The following STK32C variants were observed in gnomAD, a reference collection of about 807,000 sequenced individuals.
STK32C encodes the protein serine/threonine kinase 32C.
In STK32C, 31 loss-of-function variants were observed where a neutral mutation model predicts 56.5. That is an observed-to-expected ratio of 0.55 (90% CI 0.41 to 0.74). The LOEUF (loss-of-function observed/expected upper bound fraction) is 0.74, where lower values mean the gene tolerates loss of function less well. Among genes scored for constraint, STK32C ranks in the 30% least tolerant of loss-of-function variants. The pLI, the probability that STK32C is intolerant of heterozygous loss-of-function variation, is 0.00. For missense variants in STK32C, 544 were observed against 676.9 expected (o/e 0.80, Z 2.18); for synonymous variants, 309 against 289.4 (o/e 1.07, Z -0.69).
chr10:132,306,557 C>T (rs927080502), intron 1 of STK32C, among the ~76,000 whole-genome samples: 1 of 152,188 alleles, frequency 6.6e-6, no homozygotes, highest in Non-Finnish European at 1.5e-5. Flanking sequence ...GGCCTGAGGT[C>T]GTATTACTGT....
At chr10:132,249,045 ACTGTGCGACGG>A in intron 1 of STK32C, 4 of 475,740 alleles carry the variant, frequency 8.4e-6, no homozygotes, top group Non-Finnish European at 1.7e-5. Context: ...AAGCCTCCCG[ACTGTGCGACGG>A]AGGCGGCGGC....
chr10:132,276,763 G>T (rs532710760), intron 1 of STK32C, among the ~76,000 whole-genome samples: 1 of 151,808 alleles, frequency 6.6e-6, no homozygotes. Context: ...GTCCAGCCTG[G>T]TGACAGAGCA....
intron 1 of STK32C, among the ~76,000 whole-genome samples, chr10:132,256,916 T>C (rs910298536): frequency 1.3e-5 from 2 of 152,082 alleles, no homozygotes; most frequent in African/African-American, 4.8e-5. Flanking sequence ...CTGAGGCAGG[T>C]GTGCCTAGCC....
intron 1 of STK32C, chr10:132,330,555 T>TGA: frequency 1.4e-6 from 1 of 714,370 alleles, no homozygotes. Flanking sequence ...TCACCGAAGC[T>TGA]GACATTAAGT....
At chr10:132,243,814 G>A (rs1296378897) in intron 2 of STK32C, among the ~76,000 whole-genome samples, 17 of 152,168 alleles carry the variant, frequency 1.1e-4, no homozygotes, top group Non-Finnish European at 5.9e-5. Flanking sequence ...TCTAAATGCT[G>A]CGCCGCCCTG....
At chr10:132,263,267 GA>G (rs1372321934) in intron 1 of STK32C, among the ~76,000 whole-genome samples, 1 of 152,138 alleles carries the variant, frequency 6.6e-6, no homozygotes, top group Non-Finnish European at 1.5e-5. Flanking sequence ...TCGTAAAAAA[GA>G]GCAAGATTAT....
chr10:132,326,026 T>C (rs1041510254), intron 1 of STK32C, among the ~76,000 whole-genome samples: 4 of 151,990 alleles, frequency 2.6e-5, no homozygotes, highest in Non-Finnish European at 5.9e-5. Flanking sequence ...GGCCGGTATG[T>C]CTTTATCAGC....
At position 132,241,924 on chromosome 10, in the gene STK32C, T is replaced by A. The variant is rs79182048; in HGVS notation, c.318+3976A>T. ...GAGTTTGAGACCAGCCTGGAGAACATAGCGAAACCCTGTCTCTACTAAAAA... is the reference window on the plus strand; with the variant it reads ...GAGTTTGAGACCAGCCTGGAGAACAAAGCGAAACCCTGTCTCTACTAAAAA... On this transcript the variant is annotated intron_variant, in intron 2 of 11. Coordinates refer to ENST00000298630, the MANE Select transcript of STK32C (RefSeq NM_173575.4). Among the ~76,000 whole-genome samples, 1,360 of 152,114 alleles carry A rather than the reference T, an allele frequency of 8.9e-3. 50 individuals are homozygous for A. The East Asian group carries it at 0.12, about 13-fold the overall frequency.
chr10:132,213,852 G>A (rs765569797), intron 10 of STK32C, among the ~76,000 whole-genome samples: 1 of 152,144 alleles, frequency 6.6e-6, no homozygotes, highest in Non-Finnish European at 1.5e-5. Flanking sequence ...GCTGGAAGTA[G>A]AAAACACTGT....
intron 1 of STK32C, among the ~76,000 whole-genome samples, chr10:132,266,253 G>A (rs967583368): frequency 6.6e-6 from 1 of 152,200 alleles, no homozygotes; most frequent in Admixed American, 6.5e-5. Context: ...GTGCGATTCT[G>A]TTTGTGTGAG....
At chr10:132,218,419 T>G (rs1361747444) in intron 10 of STK32C, among the ~76,000 whole-genome samples, 2 of 152,204 alleles carry the variant, frequency 1.3e-5, no homozygotes, top group Non-Finnish European at 2.9e-5. Flanking sequence ...GATAGACATT[T>G]CTCTAGACAC....
At chr10:132,308,557 C>T (rs1174225165), upstream of STK32C, among the ~76,000 whole-genome samples, 56 of 142,022 alleles carry the variant, frequency 3.9e-4, no homozygotes, top group Admixed American at 3.9e-3. Flanking sequence ...TGAGTCCAAG[C>T]GCTGCGCCAG....
intron 1 of STK32C, among the ~76,000 whole-genome samples, chr10:132,293,262 G>A (rs1000457390): frequency 1.3e-5 from 2 of 152,218 alleles, no homozygotes; most frequent in Admixed American, 6.5e-5. Context: ...CAGGCCTGGC[G>A]CCTGGCGGGC....
chr10:132,302,408 AAGG>A (rs1736090386), intron 1 of STK32C, among the ~76,000 whole-genome samples: 2 of 152,308 alleles, frequency 1.3e-5, no homozygotes, highest in African/African-American at 4.8e-5. Flanking sequence ...CACAGCTGGG[AAGG>A]AGAAGAGGCA....
chr10:132,281,281 T>C (rs2065198000), intron 1 of STK32C, among the ~76,000 whole-genome samples: 1 of 151,480 alleles, frequency 6.6e-6, no homozygotes. Flanking sequence ...TGTTTGAACC[T>C]TCTACTTGAA....
intron 1 of STK32C, among the ~76,000 whole-genome samples, chr10:132,313,449 C>T (rs903030930): frequency 1.2e-4 from 18 of 152,244 alleles, no homozygotes; most frequent in African/African-American, 3.9e-4. Flanking sequence ...GCAGACACTG[C>T]TGACATAGTG....
intron 10 of STK32C, among the ~76,000 whole-genome samples, chr10:132,209,958 G>A (rs2062238097): frequency 6.6e-6 from 1 of 152,208 alleles, no homozygotes; most frequent in Non-Finnish European, 1.5e-5. Flanking sequence ...TCACAGCCAA[G>A]GCCCTGGGAG....
Position 132,307,579 on chromosome 10 carries a change from C to A in STK32C, c.255G>T (p.Lys85Asn). The A allele has an allele frequency of 6.5e-7, 1 of 1,539,868 alleles. No homozygotes were observed. The highest frequency in any genetic ancestry group is 8.7e-7 in the Non-Finnish European group (1 of 1,144,054). The change falls in exon 1 of 12, where the codon AAG becomes AAT. Residue 85 changes from lysine to asparagine, a missense_variant. Coordinates refer to ENST00000298630, the MANE Select transcript of STK32C (RefSeq NM_173575.4). This position sits in a 1 kb window ranked among gnomAD's most constrained non-coding sequence, Gnocchi z 4.4. The part of the protein sequence containing the change: ...ATARRPVFDD[K>N]EDVNFDHFQI... ...CCCCGTGCCCGCACTCACCGTCCTC[C>A]TTGTCGTCAAACACCGGCCTCCGCG...
chr10:132,293,023 G>T (rs1241056227), intron 1 of STK32C, among the ~76,000 whole-genome samples: 1 of 152,180 alleles, frequency 6.6e-6, no homozygotes, highest in African/African-American at 2.4e-5. Context: ...CCCACGCAAC[G>T]TGCAGGGCAA....
Sources: allele counts gnomAD v4.1 joint callset (sites outside exome capture counted in the v4.1 genomes callset), GRCh38; gene constraint gnomAD v4.1.1; non-coding constraint Gnocchi (gnomAD v3.1); transcripts MANE v1.5; gene names NCBI Gene and HGNC (gene_info 2026-07-23, HGNC 2026-07-21).